VIPAS39: variants seen among roughly 807,000 people sequenced by gnomAD.
The protein encoded by VIPAS39 is spermatogenesis-defective protein 39 homolog.
Under a neutral mutation model 84.7 loss-of-function variants are expected in VIPAS39, and 63 were observed. The observed-to-expected ratio is 0.74, with a 90% CI of 0.61 to 0.92. The LOEUF is 0.92. Ranked by LOEUF, VIPAS39 falls within the 40% of genes least tolerant of loss-of-function variation. VIPAS39 has a pLI of 0.00. For synonymous variants in VIPAS39, 192 were observed against 216.5 expected (o/e 0.89, Z 0.99); for missense variants, 499 against 604.5 (o/e 0.83, Z 1.83).
rs1233747242 is a variant in VIPAS39 at position 77,426,925 on chromosome 14, A to G, written c.*691T>C. 2 of 152,314 alleles carry G rather than the reference A, an allele frequency of 1.3e-5. No individual in the cohort carries two copies. 9.4% of individuals were successfully genotyped at this position (152,314 alleles called of 1,614,324 possible). A position where few individuals can be genotyped will look rare whatever the true frequency, so the allele number is the denominator to read the frequency against. On this transcript the variant is annotated 3_prime_UTR_variant, in exon 20 of 20. Coordinates refer to ENST00000557658, the MANE Select transcript of VIPAS39 (RefSeq NM_001193315.2). The stretch of plus-strand genomic sequence containing the variant: ...GCACTGCTGCATCTGAGCTTCTTAT[A>G]AAGTGACGGGTCTTGGCCAGCAGTA...
At chr14:77,442,162 T>C (rs1390253943) in intron 10 of VIPAS39, among the ~76,000 whole-genome samples, 1 of 152,224 alleles carries the variant, frequency 6.6e-6, no homozygotes, top group African/African-American at 2.4e-5. Flanking sequence ...TAATAAATAC[T>C]AATACTACAA....
intron 7 of VIPAS39, among the ~76,000 whole-genome samples, chr14:77,446,182 G>C (rs780164184): frequency 1.3e-5 from 2 of 151,836 alleles, no homozygotes; most frequent in East Asian, 1.9e-4. Context: ...AAAGATTTTC[G>C]TCTATATTTT....
intron 1 of VIPAS39, chr14:77,457,258 C>A (rs542223646): frequency 6.5e-7 from 1 of 1,534,796 alleles, no homozygotes; most frequent in South Asian, 1.2e-5. Context: ...GGATCCCTGG[C>A]AGAGTTAAAT....
At chr14:77,453,428 C>T in intron 2 of VIPAS39, 27 bp from the exon 3 acceptor site, 2 of 1,604,962 alleles carry the variant, frequency 1.2e-6, no homozygotes, top group Non-Finnish European at 1.7e-6. Flanking sequence ...GGCTAGGGTG[C>T]TCAGGCAAAT....
chr14:77,448,880 C>T (rs186153301), intron 6 of VIPAS39, among the ~76,000 whole-genome samples: 14 of 152,282 alleles, frequency 9.2e-5, no homozygotes, highest in African/African-American at 3.4e-4. Flanking sequence ...CTTTGGCCAA[C>T]AGAAGGAAAG....
At chr14:77,446,954 A>G (rs759627544) in intron 7 of VIPAS39, among the ~76,000 whole-genome samples, 3 of 149,974 alleles carry the variant, frequency 2.0e-5, no homozygotes, top group Non-Finnish European at 4.4e-5. Context: ...TGTGACTAAA[A>G]ACATATCCTG....
rs2078542621 is a variant in VIPAS39, at chr14:77,432,745, G to C, written c.1179+1097C>G. 3.3e-5 allele frequency among the ~76,000 whole-genome samples: 5 copies of C among 152,018 alleles called. No individual in the cohort carries two copies. In the South Asian group the frequency reaches 1.0e-3, roughly 32 times the overall value. ...CACATAGAAAGTAGTTTCCAGAGGG[G>C]GAAAAAAGTAGGTCAAAGGATACAA... On this transcript the variant is annotated intron_variant, in intron 16 of 19. Coordinates refer to ENST00000557658, the MANE Select transcript of VIPAS39 (RefSeq NM_001193315.2).
chr14:77,449,768 A>C lies in VIPAS39; in HGVS notation c.344-16T>G. The stretch of plus-strand genomic sequence containing the variant: ...CTAGTTCTACCTAAAGGTAAAGAAC[A>C]CAAGAGGGAAAAGGTCAACAGTTTC... On this transcript the variant is annotated splice_polypyrimidine_tract_variant and intron_variant, in intron 4 of 19. Coordinates refer to ENST00000557658, the MANE Select transcript of VIPAS39 (RefSeq NM_001193315.2). 1 of 1,614,170 alleles carries C rather than the reference A, an allele frequency of 6.2e-7. No individual in the cohort carries two copies. Among genetic ancestry groups the C allele is most frequent in the East Asian group, 2.2e-5 (1 of 44,876 alleles).
In VIPAS39 at chr14:77,447,670, T is replaced by G. The variant is rs538756649; in HGVS notation, c.504+824A>C. Among the ~76,000 whole-genome samples the G allele has an allele frequency of 3.9e-5, 6 of 152,344 alleles. No homozygotes were observed. In the South Asian group the frequency reaches 6.2e-4, roughly 16 times the overall value. Reference sequence around the variant, plus strand: ...AAAGATTGTTCTCACTCTCTTTTTTTGGGCAGGGGGGCGGAGTTTCACTCT... The same window carrying G: ...AAAGATTGTTCTCACTCTCTTTTTTGGGGCAGGGGGGCGGAGTTTCACTCT... On this transcript the variant is annotated intron_variant, in intron 7 of 19. Coordinates refer to ENST00000557658, the MANE Select transcript of VIPAS39 (RefSeq NM_001193315.2).
At chr14:77,429,557 C>T in intron 17 of VIPAS39, 124 bp downstream of exon 17, 1 of 994,312 alleles carries the variant, frequency 1.0e-6, no homozygotes, top group Non-Finnish European at 1.6e-6. Flanking sequence ...AGGCCTATTG[C>T]AGCCATTGTG....
At position 77,426,899 on chromosome 14, in the gene VIPAS39, A is replaced by T. The variant is rs2139717732; in HGVS notation, c.*717T>A. On this transcript the variant is annotated 3_prime_UTR_variant, in exon 20 of 20. Transcript: ENST00000557658. ...TTTTTGCATAAAGAGAGAGCTCTCC[A>T]GCACTGCTGCATCTGAGCTTCTTAT... The T allele has an allele frequency of 6.6e-6, 1 of 152,422 alleles. No homozygotes were observed. Among genetic ancestry groups the T allele is most frequent in the East Asian group, 1.9e-4 (1 of 5,184 alleles). The allele number at this position is 152,422 out of a possible 1,614,324, so 9.4% of individuals were successfully genotyped here.
chr14:77,457,209 C>T, intron 1 of VIPAS39: 3 of 1,512,080 alleles, frequency 2.0e-6, no homozygotes, highest in Middle Eastern at 4.5e-4. Flanking sequence ...GGTGAACGTC[C>T]AGGAAGCCAT....
chr14:77,453,473 G>A, intron 2 of VIPAS39, 72 bp from the exon 3 acceptor site: 1 of 1,471,728 alleles, frequency 6.8e-7, no homozygotes, highest in South Asian at 1.1e-5. Flanking sequence ...CAATCAAGAA[G>A]GCTGAGGAAT....
intron 16 of VIPAS39, among the ~76,000 whole-genome samples, chr14:77,433,198 T>C (rs114345628): frequency 0.027 from 4,157 of 152,216 alleles, 192 homozygotes; most frequent in African/African-American, 0.095. Context: ...GTGATAATTA[T>C]ATTGTGCTTC....
At chr14:77,428,605 G>T in intron 18 of VIPAS39, 131 bp from the exon 19 acceptor site, 1 of 760,230 alleles carries the variant, frequency 1.3e-6, no homozygotes, top group Non-Finnish European at 2.3e-6. Flanking sequence ...TGGAACTACT[G>T]GTGTGTGCTA....
intron 1 of VIPAS39, among the ~76,000 whole-genome samples, chr14:77,456,112 A>G (rs1315483292): frequency 6.6e-6 from 1 of 152,136 alleles, no homozygotes; most frequent in East Asian, 1.9e-4. Context: ...ACTAAATGTT[A>G]TTTCCTTTTA....
chr14:77,440,995 G>A, intron 11 of VIPAS39, 71 bp downstream of exon 11: 27 of 1,591,278 alleles, frequency 1.7e-5, no homozygotes, highest in Non-Finnish European at 2.3e-5. Context: ...TGGGATTACA[G>A]GCGTGAGCCA....
chr14:77,453,980 G>A lies in VIPAS39; in HGVS notation c.93+30C>T, dbSNP rs1430203899. 5 of 1,608,326 alleles carry A rather than the reference G, an allele frequency of 3.1e-6. No individual in the cohort carries two copies. In the African/African-American group the frequency reaches 5.3e-5, roughly 17 times the overall value. ...AGGAATTTTATAGTGGCACTGTGGAGAAGAGTACAAACTTCAGCAGTTGAC... is the reference window on the plus strand; with the variant it reads ...AGGAATTTTATAGTGGCACTGTGGAAAAGAGTACAAACTTCAGCAGTTGAC... On this transcript the variant is annotated intron_variant, in intron 2 of 19. Coordinates refer to ENST00000557658, the MANE Select transcript of VIPAS39 (RefSeq NM_001193315.2).
intron 13 of VIPAS39, 56 bp downstream of exon 13, chr14:77,435,788 T>C (rs2078601239): frequency 6.3e-7 from 1 of 1,576,572 alleles, no homozygotes; most frequent in Non-Finnish European, 8.7e-7. Context: ...TCCTAGATGC[T>C]GAACGGCACT....
Sources: allele counts gnomAD v4.1 joint callset (sites outside exome capture counted in the v4.1 genomes callset), GRCh38; gene constraint gnomAD v4.1.1; transcripts MANE v1.5; gene names NCBI Gene and HGNC (gene_info 2026-07-23, HGNC 2026-07-21).